The following ZNF609 variants were observed in gnomAD, a reference collection of about 807,000 sequenced individuals.
ZNF609 encodes zinc finger protein 609.
A neutral mutation model predicts 109.5 loss-of-function variants in ZNF609; 11 were observed. That is an observed-to-expected ratio of 0.10 (90% CI 0.06 to 0.17). ZNF609 has a LOEUF of 0.17. Among genes scored for constraint, ZNF609 ranks in the 10% least tolerant of loss-of-function variants. ZNF609 has a pLI of 1.00. For synonymous variants in ZNF609, 646 were observed against 662.0 expected, an observed-to-expected ratio of 0.98 and a Z score of 0.37; for missense variants, 1,559 against 1,772.4, an observed-to-expected ratio of 0.88 and a Z score of 2.16.
intron 2 of ZNF609, among the ~76,000 whole-genome samples, chr15:64,589,207 G>A (rs1328854665): frequency 6.6e-6 from 1 of 152,110 alleles, no homozygotes; most frequent in Admixed American, 6.6e-5. Context: ...TAAAAAAGGA[G>A]AAGAACTCAA....
At chr15:64,579,278 A>C (rs994107887) in intron 2 of ZNF609, among the ~76,000 whole-genome samples, 1 of 151,856 alleles carries the variant, frequency 6.6e-6, no homozygotes, top group Non-Finnish European at 1.5e-5. Context: ...GTGATGGTAC[A>C]TGCATGCCTA....
intron 3 of ZNF609, among the ~76,000 whole-genome samples, chr15:64,624,175 T>C (rs1895918863): frequency 6.6e-6 from 1 of 152,238 alleles, no homozygotes; most frequent in African/African-American, 2.4e-5. Flanking sequence ...AGGAATGTAA[T>C]ACATCTTCAG....
intron 2 of ZNF609, among the ~76,000 whole-genome samples, chr15:64,574,006 TTCA>T (rs1176761740): frequency 2.0e-5 from 3 of 152,160 alleles, no homozygotes; most frequent in South Asian, 2.1e-4. Context: ...CATCACATTT[TTCA>T]TCAATTCCTG....
Position 64,499,702 on chromosome 15 carries a change from A to T in ZNF609, c.283A>T (p.Ser95Cys). The change falls in exon 2 of 10, where the codon AGT becomes TGT. Residue 95 changes from serine to cysteine, a missense_variant. Ser to Cys is a moderately radical substitution (Grantham distance 112). Coordinates refer to ENST00000326648, the MANE Select transcript of ZNF609 (RefSeq NM_015042.2). ...EGKSKSKRSK[S>C]GKDTSKPTPG... ...CAAATCAAAATCCAAAAGGAGTAAG[A>T]GTGGCAAAGACACTAGCAAACCCAC... is the stretch of plus-strand genomic sequence containing the variant. 1 of 1,614,114 alleles carries T rather than the reference A, an allele frequency of 6.2e-7. No homozygotes were observed. Among genetic ancestry groups the T allele is most frequent in the Non-Finnish European group, 8.5e-7 (1 of 1,180,036 alleles).
intron 2 of ZNF609, among the ~76,000 whole-genome samples, chr15:64,595,003 A>G (rs1472149065): frequency 7.0e-6 from 1 of 143,458 alleles, no homozygotes; most frequent in South Asian, 2.2e-4. Flanking sequence ...CTCCGTCTCA[A>G]AAAAAAAAAA....
intron 1 of ZNF609, among the ~76,000 whole-genome samples, chr15:64,465,469 C>T (rs1003344969): frequency 1.3e-5 from 2 of 152,102 alleles, no homozygotes; most frequent in Non-Finnish European, 2.9e-5. Context: ...GCAACCTCTG[C>T]CTCCCAGGTT....
intron 2 of ZNF609, among the ~76,000 whole-genome samples, chr15:64,543,580 T>A (rs1894307224): frequency 6.6e-6 from 1 of 151,874 alleles, no homozygotes; most frequent in African/African-American, 2.4e-5. Flanking sequence ...GTAGCTGGGA[T>A]TACAGGCGCC....
In ZNF609 at chr15:64,674,275, C is replaced by T; in HGVS notation, c.1421C>T (p.Pro474Leu). The change falls in exon 5 of 10, where the codon CCC (proline) becomes CTC (leucine). Residue 474 changes from proline to leucine, a missense_variant. By Grantham distance (98) the Pro-to-Leu change is moderately conservative (BLOSUM62 -3). This residue lies in a region of ZNF609 where 1,204 missense variants were observed against 1,314.1 expected (regional missense o/e 0.92). Transcript: ENST00000326648. ...RTNSMGSATG[P>L]LPGTKVEPTV... is the part of the protein sequence containing the mutation. ...AATTCCATGGGCTCAGCCACTGGCC[C>T]CCTTCCTGGGACAAAGGTAGAACCC... The T allele has an allele frequency of 1.9e-6, 3 of 1,614,156 alleles. No homozygotes were observed. The highest frequency in any genetic ancestry group is 8.5e-7 in the Non-Finnish European group (1 of 1,180,018).
intron 3 of ZNF609, among the ~76,000 whole-genome samples, chr15:64,629,304 C>T (rs1182117183): frequency 6.6e-6 from 1 of 152,068 alleles, no homozygotes; most frequent in East Asian, 1.9e-4. Flanking sequence ...TATATTTTTT[C>T]ATTTACTGTG....
At chr15:64,539,872 GA>G (rs1567009026) in intron 2 of ZNF609, among the ~76,000 whole-genome samples, 2 of 150,476 alleles carry the variant, frequency 1.3e-5, no homozygotes, top group Non-Finnish European at 3.0e-5. Context: ...CCTGACCCCA[GA>G]TGATCAGCCC....
chr15:64,584,550 C>G (rs1418982082), intron 2 of ZNF609, among the ~76,000 whole-genome samples: 1 of 152,074 alleles, frequency 6.6e-6, no homozygotes, highest in African/African-American at 2.4e-5. Context: ...ATCCACCCAC[C>G]CAGCCTCTCA....
chr15:64,571,646 ACT>A (rs1341688463), intron 2 of ZNF609, among the ~76,000 whole-genome samples: 1 of 151,970 alleles, frequency 6.6e-6, no homozygotes, highest in Non-Finnish European at 1.5e-5. Flanking sequence ...CAGGATTCAA[ACT>A]CTCTAGTTTT....
At chr15:64,609,367 G>C (rs1190680636) in intron 2 of ZNF609, among the ~76,000 whole-genome samples, 1 of 151,688 alleles carries the variant, frequency 6.6e-6, no homozygotes, top group East Asian at 2.0e-4. Context: ...TTTTTTAGTA[G>C]AGATGGGGTT....
intron 2 of ZNF609, among the ~76,000 whole-genome samples, chr15:64,576,982 G>GTATATATACACACAAATATATA (rs1257610288): frequency 8.2e-6 from 1 of 122,462 alleles, no homozygotes; most frequent in Non-Finnish European, 1.7e-5. Flanking sequence ...ATATATATAT[G>GTATATATACACACAAATATATA]TATGTATACA....
intron 3 of ZNF609, among the ~76,000 whole-genome samples, chr15:64,644,968 CTTCTTTCTTTCTTT>C (rs1374740554): frequency 1.4e-5 from 2 of 139,610 alleles, no homozygotes; most frequent in East Asian, 2.0e-4. Context: ...CTTTTCTTTT[CTTCTTTCTTTCTTT>C]TTCTTTCTTT....
intron 2 of ZNF609, among the ~76,000 whole-genome samples, chr15:64,556,903 T>G (rs1894597451): frequency 6.6e-6 from 1 of 152,188 alleles, no homozygotes; most frequent in Admixed American, 6.5e-5. Flanking sequence ...TTAATGCCAT[T>G]TATAATAAAT....
Position 64,679,494 on chromosome 15 carries a change from C to T in ZNF609, c.3770-691C>T, listed in dbSNP as rs373222958. Among the ~76,000 whole-genome samples the T allele has an allele frequency of 6.2e-4, 95 of 152,330 alleles. 1 individual carries two copies. Among genetic ancestry groups the T allele is most frequent in the African/African-American group, 2.2e-3 (92 of 41,568 alleles). ...ACTGCTTTAGCCTCACTCCTTAGAGCCTCCAGCTTCCTACAGCAGCCTAAA... is the reference window on the plus strand; with the variant it reads ...ACTGCTTTAGCCTCACTCCTTAGAGTCTCCAGCTTCCTACAGCAGCCTAAA... On this transcript the variant is annotated intron_variant, in intron 6 of 9. Coordinates refer to ENST00000326648, the MANE Select transcript of ZNF609 (RefSeq NM_015042.2).
At chr15:64,492,672 G>A (rs962396933) in intron 1 of ZNF609, among the ~76,000 whole-genome samples, 2 of 152,136 alleles carry the variant, frequency 1.3e-5, no homozygotes, top group Non-Finnish European at 2.9e-5. Context: ...GTGAGGTGCT[G>A]TACCCAGCTT....
chr15:64,475,520 CTG>C (rs200007417), intron 1 of ZNF609, among the ~76,000 whole-genome samples: 1,878 of 149,988 alleles, frequency 0.013, 46 homozygotes, highest in African/African-American at 0.043. Flanking sequence ...TCCCGAGTAA[CTG>C]GGATTACAGT....
Sources: gnomAD v4.1 joint callset for allele counts (sites outside exome capture counted in the v4.1 genomes callset) on GRCh38, gnomAD v4.1.1 for gene constraint, gnomAD v4.1.1 regional missense constraint, MANE v1.5 for transcripts, NCBI Gene and HGNC (gene_info 2026-07-23, HGNC 2026-07-21) for gene names.